Variants in SH3RF3 observed in about 807,000 individuals in gnomAD.
The protein encoded by SH3RF3 is E3 ubiquitin-protein ligase SH3RF3.
SH3RF3 carries 29 observed loss-of-function variants against 66.3 expected under a neutral mutation model. The observed-to-expected ratio is 0.44, with a 90% CI of 0.33 to 0.60. The LOEUF (loss-of-function observed/expected upper bound fraction) is 0.60. Among genes scored for constraint, SH3RF3 ranks in the 20% least tolerant of loss-of-function variants. The pLI is 0.04. For missense variants in SH3RF3, 1,194 were observed against 1,190.9 expected (o/e 1.00, Z -0.04); for synonymous variants, 583 against 532.0 (o/e 1.10, Z -1.32).
chr2:109,482,229 C>T (rs1266348159), intron 8 of SH3RF3, among the ~76,000 whole-genome samples: 10 of 152,146 alleles, frequency 6.6e-5, no homozygotes, highest in Admixed American at 6.5e-4. Context: ...ATGGGCAAGA[C>T]TTAGGACAGT....
In SH3RF3 at chr2:109,309,882, A is replaced by G. The variant is rs564338230; in HGVS notation, c.574-37792A>G. Among the ~76,000 whole-genome samples, 214 of 116,648 alleles carry G rather than the reference A, an allele frequency of 1.8e-3. 39 individuals are homozygous for G. The highest frequency in any genetic ancestry group is 8.8e-3 in the African/African-American group (195 of 22,282). 76.5% of individuals were successfully genotyped at this position (116,648 alleles called of 152,430 possible). A position where few individuals can be genotyped will look rare whatever the true frequency, so the allele number is the denominator to read the frequency against. ...TACAAAGAGACTTAGACTCCCACACATTAATAATGGGAGACTTTAACACCC... is the reference window on the plus strand; with the variant it reads ...TACAAAGAGACTTAGACTCCCACACGTTAATAATGGGAGACTTTAACACCC... On this transcript the variant is annotated intron_variant, in intron 1 of 9. Coordinates refer to ENST00000309415, the MANE Select transcript of SH3RF3 (RefSeq NM_001099289.3).
At chr2:109,376,823 C>T (rs114861505) in intron 3 of SH3RF3, among the ~76,000 whole-genome samples, 1,859 of 152,338 alleles carry the variant, frequency 0.012, 38 homozygotes, top group African/African-American at 0.037. Flanking sequence ...CAGCCAGCAT[C>T]TCAGCATCTC....
At chr2:109,421,470 TCCAGGCATGTCACC>T (rs1676876744) in intron 5 of SH3RF3, among the ~76,000 whole-genome samples, 2 of 152,230 alleles carry the variant, frequency 1.3e-5, no homozygotes. Context: ...ACGTAACAGT[TCCAGGCATGTCACC>T]CCTCAAGAGT....
chr2:109,435,328 T>C (rs1206248145), intron 6 of SH3RF3, among the ~76,000 whole-genome samples: 1 of 152,350 alleles, frequency 6.6e-6, no homozygotes. Context: ...CCAGGACTTA[T>C]ACTTTCTTGA....
At chr2:109,198,814 T>G (rs1678568595) in intron 1 of SH3RF3, among the ~76,000 whole-genome samples, 1 of 152,236 alleles carries the variant, frequency 6.6e-6, no homozygotes, top group Non-Finnish European at 1.5e-5. Context: ...CTAGGCTACG[T>G]GGCACAGCCT....
rs1475366453 is a variant in SH3RF3 at position 109,274,287 on chromosome 2, GTGTGCCCAAAAGAAT to G, written c.574-73385_574-73371del. 2.0e-5 allele frequency among the ~76,000 whole-genome samples: 3 copies of G among 152,158 alleles called. No homozygotes were observed. The East Asian group carries it at 5.8e-4, about 29-fold the overall frequency. ...GTATATCAAAAGTGAATTCCTAGGT[GTGTGCCCAAAAGAAT>G]TAAAAAACAGGTGGTCAAACAAGTA... On this transcript the variant is annotated intron_variant, in intron 1 of 9. Coordinates refer to ENST00000309415, the MANE Select transcript of SH3RF3 (RefSeq NM_001099289.3).
chr2:109,429,937 C>A (rs1473607014), intron 5 of SH3RF3, among the ~76,000 whole-genome samples: 1 of 152,200 alleles, frequency 6.6e-6, no homozygotes. Flanking sequence ...CGGGTGTAGC[C>A]GCAGCCAATC....
chr2:109,326,536 A>G (rs1400135409), intron 1 of SH3RF3, among the ~76,000 whole-genome samples: 1 of 152,088 alleles, frequency 6.6e-6, no homozygotes, highest in Non-Finnish European at 1.5e-5. Context: ...ATTTTTGCCA[A>G]TCTGGTGGGT....
chr2:109,496,006 C>T (rs766664665), intron 9 of SH3RF3, among the ~76,000 whole-genome samples: 11 of 152,188 alleles, frequency 7.2e-5, no homozygotes, highest in East Asian at 1.9e-4. Context: ...CACAGACCTT[C>T]GCGGTGAAGA....
chr2:109,363,547 T>C (rs1683095648), intron 2 of SH3RF3, among the ~76,000 whole-genome samples: 1 of 152,184 alleles, frequency 6.6e-6, no homozygotes. Context: ...TGCCATTCCT[T>C]CTCTGGTGCG....
intron 1 of SH3RF3, among the ~76,000 whole-genome samples, chr2:109,163,136 C>T (rs1213185431): frequency 6.6e-6 from 1 of 152,142 alleles, no homozygotes; most frequent in Non-Finnish European, 1.5e-5. Flanking sequence ...ATTGCAGGAC[C>T]CAGCAAGGAG....
At position 109,501,624 on chromosome 2, in the gene SH3RF3, A is replaced by G. The variant is rs1679388761; in HGVS notation, c.2602A>G (p.Asn868Asp). 1.3e-6 allele frequency: 1 copy of G among 778,180 alleles called. No homozygotes were observed. The highest frequency in any genetic ancestry group is 2.4e-6 in the Non-Finnish European group (1 of 416,968). 48.2% of individuals were successfully genotyped at this position (778,180 alleles called of 1,614,324 possible). The change falls in exon 10 of 10, where the codon AAC (asparagine) becomes GAC (aspartate). Residue 868 changes from asparagine to aspartate, a missense_variant. Coordinates refer to ENST00000309415, the MANE Select transcript of SH3RF3 (RefSeq NM_001099289.3). The stretch of plus-strand genomic sequence containing the variant: ...CTGGTACAAGGGGACCCTGCAGCGG[A>G]ACGGCCGCACAGGCCTCTTCCCGGG... ...DGWYKGTLQR[N>D]GRTGLFPGSF... is the part of the protein sequence containing the mutation.
chr2:109,297,957 C>G (rs937255488), intron 1 of SH3RF3, among the ~76,000 whole-genome samples: 4 of 151,394 alleles, frequency 2.6e-5, no homozygotes, highest in Non-Finnish European at 1.5e-5. Flanking sequence ...GACTAGTGCC[C>G]CTCAACCAGG....
At chr2:109,327,745 T>C (rs769812538) in intron 1 of SH3RF3, among the ~76,000 whole-genome samples, 2 of 152,258 alleles carry the variant, frequency 1.3e-5, no homozygotes, top group African/African-American at 4.8e-5. Context: ...AAATATAAAG[T>C]ATTTTTAATT....
At chr2:109,180,822 A>G (rs925100444) in intron 1 of SH3RF3, among the ~76,000 whole-genome samples, 2 of 152,190 alleles carry the variant, frequency 1.3e-5, no homozygotes, top group African/African-American at 4.8e-5. Flanking sequence ...GAAACAGACT[A>G]ATATACTCAG....
chr2:109,129,767 C>T lies in SH3RF3; in HGVS notation c.227C>T (p.Thr76Ile). Residue 76 changes from threonine (T) to isoleucine (I), a missense_variant, in exon 1 of 10, where the codon ACT becomes ATT. Transcript: ENST00000309415. ...TTAKVLPCQH[T>I]FCRRCLESIV... ...GCCAAGGTGCTGCCATGCCAACACA[C>T]TTTCTGCCGCCGCTGCCTGGAGAGC... The T allele has an allele frequency of 6.5e-7, 1 of 1,539,488 alleles. No individual in the cohort carries two copies. Among genetic ancestry groups the T allele is most frequent in the Non-Finnish European group, 8.7e-7 (1 of 1,145,292 alleles).
Position 109,504,130 on chromosome 2 carries a change from G to A in SH3RF3, c.*2459G>A, listed in dbSNP as rs188029742. ...ATGATGATGTAGCTCGCAGAGAAGA[G>A]CAGGAGCAGAATTAGCCCTTTCTTC... On this transcript the variant is annotated 3_prime_UTR_variant, in exon 10 of 10. Coordinates refer to ENST00000309415, the MANE Select transcript of SH3RF3 (RefSeq NM_001099289.3). 2.6e-5 allele frequency: 4 copies of A among 152,368 alleles called. No individual in the cohort carries two copies. The East Asian group carries it at 7.7e-4, about 29-fold the overall frequency. 9.4% of individuals were successfully genotyped at this position (152,368 alleles called of 1,614,324 possible).
At chr2:109,315,610 G>A (rs72627478) in intron 1 of SH3RF3, among the ~76,000 whole-genome samples, 4,182 of 152,322 alleles carry the variant, frequency 0.027, 216 homozygotes, top group East Asian at 0.2. Context: ...TGTCAGTGAT[G>A]CACAAGGACG....
intron 2 of SH3RF3, among the ~76,000 whole-genome samples, chr2:109,368,950 G>A (rs1406810215): frequency 1.3e-5 from 2 of 152,062 alleles, no homozygotes; most frequent in African/African-American, 4.8e-5. Context: ...TGCTGGTGGT[G>A]AGCTTGAGAG....
Sources: gnomAD v4.1 joint callset for allele counts (sites outside exome capture counted in the v4.1 genomes callset) on GRCh38, gnomAD v4.1.1 for gene constraint, MANE v1.5 for transcripts, NCBI Gene and HGNC (gene_info 2026-07-23, HGNC 2026-07-21) for gene names.